Variants in CEMIP observed in about 807,000 individuals in gnomAD.
CEMIP encodes cell migration inducing hyaluronidase 1.
CEMIP carries 105 observed loss-of-function variants against 156.9 expected under a neutral mutation model. The observed-to-expected ratio is 0.67, with a 90% CI of 0.57 to 0.79. The LOEUF is 0.79. CEMIP is among the 30% of genes least tolerant of loss of function. The pLI is 0.00. For missense variants in CEMIP, 1,457 were observed against 1,769.4 expected (o/e 0.82, Z 3.17); for synonymous variants, 676 against 668.4 (o/e 1.01, Z -0.17).
chr15:80,948,266 G>A (rs1433523656), intron 29 of CEMIP: 2 of 204,418 alleles, frequency 9.8e-6, no homozygotes, highest in Non-Finnish European at 2.0e-5. Context: ...AGAGTGCTGT[G>A]TGGGTTTCAG....
In CEMIP at chr15:80,861,559, G is replaced by T. The variant is rs115632333; in HGVS notation, c.-175-11979G>T. 3.7e-3 allele frequency among the ~76,000 whole-genome samples: 560 copies of T among 152,332 alleles called. 2 individuals carry two copies. Among genetic ancestry groups the T allele is most frequent in the African/African-American group, 0.013 (529 of 41,580 alleles). ...ATTGGGCCAGGAACCCCCCAGTGGG[G>T]AGAATGGGGAAAAAAGGGCCACTAA... On this transcript the variant is annotated intron_variant, in intron 1 of 29. Transcript: ENST00000394685.
At chr15:80,859,653 C>T (rs74631519) in intron 1 of CEMIP, among the ~76,000 whole-genome samples, 2,394 of 152,340 alleles carry the variant, frequency 0.016, 63 homozygotes, top group African/African-American at 0.056. Flanking sequence ...TCTGTGCTAA[C>T]TCCAGGTAGA....
chr15:80,848,052 G>A (rs1292048398), intron 1 of CEMIP, among the ~76,000 whole-genome samples: 2 of 152,174 alleles, frequency 1.3e-5, no homozygotes. Context: ...AGCAAAATGT[G>A]GCAGGTTGAA....
In CEMIP at chr15:80,796,955, G is replaced by A. The variant is rs954176970; in HGVS notation, c.-176+17341G>A. On this transcript the variant is annotated intron_variant, in intron 1 of 29. Transcript: ENST00000394685. ...TCTGTTGATTAGAGAGGGCATTTTA[G>A]GCAAAGGGCAATCAGATAACCTGGT... 2.0e-5 allele frequency among the ~76,000 whole-genome samples: 3 copies of A among 152,294 alleles called. No individual in the cohort carries two copies. The South Asian group carries it at 6.2e-4, about 32-fold the overall frequency.
intron 1 of CEMIP, among the ~76,000 whole-genome samples, chr15:80,800,049 G>T (rs1896338001): frequency 6.6e-6 from 1 of 151,274 alleles, no homozygotes; most frequent in Non-Finnish European, 1.5e-5. Context: ...GTGTGTGTGT[G>T]TGTGTGTGTG....
intron 1 of CEMIP, among the ~76,000 whole-genome samples, chr15:80,818,436 A>G (rs1896837545): frequency 6.6e-6 from 1 of 152,260 alleles, no homozygotes; most frequent in Non-Finnish European, 1.5e-5. Context: ...GGAGAAGAGA[A>G]TCAGAGTATT....
intron 1 of CEMIP, among the ~76,000 whole-genome samples, chr15:80,871,283 AG>A (rs1233143280): frequency 1.3e-5 from 2 of 152,246 alleles, no homozygotes; most frequent in African/African-American, 4.8e-5. Context: ...CTCTTTGGGC[AG>A]GGCAATCTCT....
intron 23 of CEMIP, among the ~76,000 whole-genome samples, chr15:80,934,349 C>G (rs1208998104): frequency 6.6e-6 from 1 of 152,126 alleles, no homozygotes; most frequent in Non-Finnish European, 1.5e-5. Flanking sequence ...GCCACATGTC[C>G]AGTGCTCAGT....
chr15:80,844,487 G>A (rs1455946236), intron 1 of CEMIP, among the ~76,000 whole-genome samples: 2 of 152,166 alleles, frequency 1.3e-5, no homozygotes, highest in Non-Finnish European at 2.9e-5. Context: ...TTTCTCTGGG[G>A]TTTTTGGGTG....
chr15:80,948,629 G>T (rs912474897), intron 29 of CEMIP, 168 bp from the exon 30 acceptor site: 34 of 885,926 alleles, frequency 3.8e-5, no homozygotes, highest in Non-Finnish European at 6.1e-5. Context: ...ACACATGTCA[G>T]GCACCATCAG....
chr15:80,947,210 G>A, intron 29 of CEMIP, 145 bp downstream of exon 29: 1 of 642,638 alleles, frequency 1.6e-6, no homozygotes, highest in Non-Finnish European at 2.9e-6. Context: ...CACACAACTA[G>A]TGGTCTACTG....
At chr15:80,858,812 CA>C (rs1897916296) in intron 1 of CEMIP, among the ~76,000 whole-genome samples, 1 of 152,166 alleles carries the variant, frequency 6.6e-6, no homozygotes. Flanking sequence ...TAGTGAATGT[CA>C]AAAACACAAT....
Position 80,840,130 on chromosome 15 carries a change from C to A in CEMIP, c.-175-33408C>A, listed in dbSNP as rs546491607. ...AGTGGAAAGGGGGGTGTCTAAGTCC[C>A]AAGGTGCTTCCTAGGGGCTCGGAGG... On this transcript the variant is annotated intron_variant, in intron 1 of 29. Transcript: ENST00000394685. 7.9e-5 allele frequency among the ~76,000 whole-genome samples: 12 copies of A among 152,264 alleles called. No homozygotes were observed. The East Asian group carries it at 1.5e-3, about 20-fold the overall frequency.
intron 25 of CEMIP, among the ~76,000 whole-genome samples, chr15:80,939,826 C>G (rs955011158): frequency 1.3e-5 from 2 of 152,188 alleles, no homozygotes; most frequent in East Asian, 3.8e-4. Context: ...TTCTTATACT[C>G]AGAGCACCTG....
intron 1 of CEMIP, among the ~76,000 whole-genome samples, chr15:80,821,284 G>A (rs1258808166): frequency 1.3e-5 from 2 of 152,170 alleles, no homozygotes; most frequent in African/African-American, 4.8e-5. Flanking sequence ...TTTATTCCTG[G>A]TGGTTTGATC....
intron 1 of CEMIP, among the ~76,000 whole-genome samples, chr15:80,844,026 C>T (rs1897493939): frequency 6.6e-6 from 1 of 152,246 alleles, no homozygotes; most frequent in African/African-American, 2.4e-5. Flanking sequence ...CAACTCAGCC[C>T]CAGATCCTTC....
At chr15:80,925,925 A>G (rs1027817167) in intron 19 of CEMIP, among the ~76,000 whole-genome samples, 170 bp downstream of exon 19, 2 of 151,712 alleles carry the variant, frequency 1.3e-5, no homozygotes, top group Non-Finnish European at 2.9e-5. Flanking sequence ...GGCAGTGGCC[A>G]AAAAAAACAA....
At chr15:80,923,366 T>C (rs1900544115) in intron 17 of CEMIP, among the ~76,000 whole-genome samples, 1 of 152,076 alleles carries the variant, frequency 6.6e-6, no homozygotes, top group Non-Finnish European at 1.5e-5. Context: ...ATACTGCTGT[T>C]GGTGGCAGGG....
chr15:80,884,076 G>A (rs1053941843), intron 6 of CEMIP, 99 bp from the exon 7 acceptor site: 98 of 1,170,666 alleles, frequency 8.4e-5, no homozygotes, highest in Admixed American at 5.1e-5. Flanking sequence ...TGGGATCATC[G>A]GATAGCATGT....
Sources: allele counts gnomAD v4.1 joint callset (sites outside exome capture counted in the v4.1 genomes callset), GRCh38; gene constraint gnomAD v4.1.1; transcripts MANE v1.5; gene names NCBI Gene and HGNC (gene_info 2026-07-23, HGNC 2026-07-21).